The following NBAS variants were observed in gnomAD, a reference collection of about 807,000 sequenced individuals.
NBAS encodes NBAS subunit of NRZ tethering complex, also known as NAG/BC035112 fusion.
Under a neutral mutation model 302.5 loss-of-function variants are expected in NBAS, and 219 were observed. The observed-to-expected ratio is 0.72, with a 90% CI of 0.65 to 0.81. NBAS has a LOEUF of 0.81. Ranked by LOEUF, NBAS falls within the 30% of genes least tolerant of loss-of-function variation. The pLI is 0.00. For synonymous variants in NBAS, 1,118 were observed against 1,021.6 expected (o/e 1.09, Z -1.80); for missense variants, 2,932 against 2,841.6 (o/e 1.03, Z -0.72).
intron 44 of NBAS, among the ~76,000 whole-genome samples, chr2:15,241,671 T>G (rs1667872164): frequency 6.6e-6 from 1 of 152,216 alleles, no homozygotes; most frequent in Non-Finnish European, 1.5e-5. Context: ...TTGCCCATAG[T>G]AAGTGCTCAG....
At chr2:15,321,251 G>T (rs10165333) in intron 38 of NBAS, among the ~76,000 whole-genome samples, 35,440 of 151,976 alleles carry the variant, frequency 0.23, 4,518 homozygotes, top group Middle Eastern at 0.39. Flanking sequence ...AATTCAAGAC[G>T]GATTAAAGAC....
At chr2:14,995,870 C>T in the NBAS span, among the ~76,000 whole-genome samples, 2 of 152,260 alleles carry the variant, frequency 1.3e-5, no homozygotes, top group Admixed American at 1.3e-4. Flanking sequence ...CCCACCACCA[C>T]GGCCAGTCTA....
the NBAS span, among the ~76,000 whole-genome samples, chr2:15,115,684 T>A: frequency 1.3e-5 from 2 of 151,996 alleles, no homozygotes; most frequent in South Asian, 2.1e-4. Context: ...TTTTTTTTTT[T>A]AACTTTTTTG....
At chr2:15,352,874 T>C (rs1235660007) in intron 34 of NBAS, among the ~76,000 whole-genome samples, 2 of 152,130 alleles carry the variant, frequency 1.3e-5, no homozygotes, top group Non-Finnish European at 2.9e-5. Flanking sequence ...TGTCTTTCCC[T>C]GGTGCTGGCT....
chr2:15,440,223 CCT>C (rs1456967344), intron 21 of NBAS, among the ~76,000 whole-genome samples: 6 of 152,228 alleles, frequency 3.9e-5, no homozygotes, highest in African/African-American at 1.2e-4. Context: ...GTCCCTGACC[CCT>C]GACCCCCGAG....
At chr2:15,512,103 C>T (rs932541316) in intron 9 of NBAS, among the ~76,000 whole-genome samples, 1 of 152,138 alleles carries the variant, frequency 6.6e-6, no homozygotes, top group African/African-American at 2.4e-5. Context: ...CCGTTTACCT[C>T]CTTCTTGGCC....
Position 15,308,230 on chromosome 2 carries a change from G to A in NBAS, c.4783C>T (p.His1595Tyr). Residue 1595 changes from histidine (H) to tyrosine (Y), a missense_variant, in exon 40 of 52, where the codon CAT (histidine) becomes TAT (tyrosine). His to Tyr is a moderately conservative substitution (Grantham distance 83). Transcript: ENST00000281513. ...TGAAGACTCACCCTGTAAAGAGGAT[G>A]GCACTTGTCCCTGAAACATGGGGCC... ...RLAPCFRDKCHPLYRADPKEL... is the reference protein window; with the variant it reads ...RLAPCFRDKCYPLYRADPKEL... 1 of 1,614,154 alleles carries A rather than the reference G, an allele frequency of 6.2e-7. No homozygotes were observed.
chr2:15,288,392 T>C (rs1670154772), intron 41 of NBAS, among the ~76,000 whole-genome samples: 1 of 152,108 alleles, frequency 6.6e-6, no homozygotes, highest in East Asian at 1.9e-4. Flanking sequence ...AGTAGGAGGA[T>C]AAACACACAC....
At chr2:15,118,051 C>T in the NBAS span, among the ~76,000 whole-genome samples, 2 of 152,154 alleles carry the variant, frequency 1.3e-5, no homozygotes, top group Admixed American at 1.3e-4. Context: ...GCTTTATTAA[C>T]AGGAAAAAAG....
chr2:15,057,123 C>A, the NBAS span, among the ~76,000 whole-genome samples: 1 of 152,048 alleles, frequency 6.6e-6, no homozygotes, highest in Non-Finnish European at 1.5e-5. Context: ...AGCCACCGCA[C>A]CCTGCCCTAA....
intron 44 of NBAS, among the ~76,000 whole-genome samples, chr2:15,242,986 G>A (rs181603610): frequency 1.3e-5 from 2 of 152,222 alleles, no homozygotes; most frequent in East Asian, 1.9e-4. Flanking sequence ...TGAGAAGGGG[G>A]TGGAGGGACT....
At chr2:14,969,846 G>C in the NBAS span, among the ~76,000 whole-genome samples, 5 of 152,106 alleles carry the variant, frequency 3.3e-5, no homozygotes, top group Admixed American at 6.5e-5. Flanking sequence ...GCTTCGGGTG[G>C]TGGGGGGGAT....
Position 15,353,510 on chromosome 2 carries a change from T to C in NBAS, c.4089+43A>G, listed in dbSNP as rs758093423. ...CCTCAGATACACACACCCAACAACA[T>C]GGACGTCATACAGGTTAGGATTTCC... On this transcript the variant is annotated intron_variant, in intron 34 of 51. Transcript: ENST00000281513. 1.7e-5 allele frequency: 28 copies of C among 1,611,128 alleles called. 1 individual carries two copies. The South Asian group carries it at 2.5e-4, about 15-fold the overall frequency.
At chr2:15,023,379 C>A in the NBAS span, among the ~76,000 whole-genome samples, 1 of 152,116 alleles carries the variant, frequency 6.6e-6, no homozygotes, top group Non-Finnish European at 1.5e-5. Flanking sequence ...CCACATGAAT[C>A]ATCCTTACTT....
chr2:14,893,105 T>G, the NBAS span, among the ~76,000 whole-genome samples: 2 of 152,226 alleles, frequency 1.3e-5, no homozygotes, highest in Non-Finnish European at 2.9e-5. Flanking sequence ...ATTCTTCAGC[T>G]TTTCTACTTG....
At chr2:14,950,877 A>G in the NBAS span, among the ~76,000 whole-genome samples, 1 of 152,240 alleles carries the variant, frequency 6.6e-6, no homozygotes, top group African/African-American at 2.4e-5. Context: ...CATTAATTTT[A>G]TTAAGCATGG....
the NBAS span, among the ~76,000 whole-genome samples, chr2:14,887,014 T>G: frequency 2.0e-5 from 3 of 152,306 alleles, no homozygotes; most frequent in African/African-American, 7.2e-5. Flanking sequence ...TTTAACCTTC[T>G]TAAATTGATT....
chr2:15,016,246 A>G, the NBAS span, among the ~76,000 whole-genome samples: 1 of 152,130 alleles, frequency 6.6e-6, no homozygotes, highest in African/African-American at 2.4e-5. Context: ...GAGAAGCCAT[A>G]TATCAGATCC....
At chr2:15,064,076 G>T in the NBAS span, among the ~76,000 whole-genome samples, 1 of 152,142 alleles carries the variant, frequency 6.6e-6, no homozygotes, top group Non-Finnish European at 1.5e-5. Context: ...GTGAAAGTTT[G>T]ATGTTTCCTT....
Sources: allele counts gnomAD v4.1 joint callset (sites outside exome capture counted in the v4.1 genomes callset), GRCh38; gene constraint gnomAD v4.1.1; transcripts MANE v1.5; gene names NCBI Gene and HGNC (gene_info 2026-07-23, HGNC 2026-07-21).